ACAN: variants seen among roughly 807,000 people sequenced by gnomAD.
The protein encoded by ACAN is aggrecan, also known as aggrecan core protein.
In ACAN, 47 loss-of-function variants were observed where a neutral mutation model predicts 169.1. The observed-to-expected ratio is 0.28, with a 90% confidence interval of 0.22 to 0.35. The LOEUF (loss-of-function observed/expected upper bound fraction) is 0.35. Ranked by LOEUF, ACAN falls within the 10% of genes least tolerant of loss-of-function variation. The probability of loss-of-function intolerance (pLI) is 1.00; values close to 1 mark genes in which losing one functional copy is unlikely to be tolerated. For synonymous variants in ACAN, 1,115 were observed against 1,112.2 expected (o/e 1.00, Z -0.05); for missense variants, 2,716 against 2,759.9 (o/e 0.98, Z 0.36).
rs552835146 is a variant in ACAN, at chr15:88,813,205, G to C, written c.-8+9396G>C. ...TGTTGGCTGGACAAATAACTTCAGA[G>C]CTTTTCAAACCATGCTTCAGAGTCC... On this transcript the variant is annotated intron_variant, in intron 1 of 18. Transcript: ENST00000560601. Among the ~76,000 whole-genome samples the C allele has an allele frequency of 2.0e-5, 3 of 152,330 alleles. No homozygotes were observed. In the East Asian group the frequency reaches 5.8e-4, roughly 29 times the overall value.
rs1368370826 is a variant in ACAN at position 88,830,117 on chromosome 15, G to A, written c.-7-6083G>A. On this transcript the variant is annotated intron_variant, in intron 1 of 18. Coordinates refer to ENST00000560601, the MANE Select transcript of ACAN (RefSeq NM_001369268.1). Reference sequence around the variant, plus strand: ...TGAGTCTACACTGATGTGGACTCACGCTGGGCCAGGGGAGGTGACATGGAG... The same window carrying A: ...TGAGTCTACACTGATGTGGACTCACACTGGGCCAGGGGAGGTGACATGGAG... 2.0e-5 allele frequency among the ~76,000 whole-genome samples: 3 copies of A among 152,138 alleles called. 1 individual carries two copies. Among genetic ancestry groups the A allele is most frequent in the Non-Finnish European group, 2.9e-5 (2 of 68,030 alleles).
Position 88,854,801 on chromosome 15 carries a change from G to A in ACAN, c.2267-51G>A, listed in dbSNP as rs1016987742. 5 of 1,371,486 alleles carry A rather than the reference G, an allele frequency of 3.6e-6. No homozygotes were observed. The African/African-American group carries it at 7.4e-5, about 20-fold the overall frequency. The allele number at this position is 1,371,486 out of a possible 1,614,324, so 85.0% of individuals were successfully genotyped here. A position where few individuals can be genotyped will look rare whatever the true frequency, so the allele number is the denominator to read the frequency against. On this transcript the variant is annotated intron_variant, in intron 11 of 18. Transcript: ENST00000560601. ...TAGATTCTACATTTGAGCTTAAAGT[G>A]GGGCAGAGTTAATAAACCCACACTT... is the stretch of plus-strand genomic sequence containing the variant.
rs770670042 is a variant in ACAN, at chr15:88,845,747, G to T, written c.1294G>T (p.Val432Phe). ...PEIGATAFAE[V>F]ENETGEATRP... ...AATAGGGGCCACTGCCTTCGCTGAG[G>T]TTGAGAATGAGACTGGAGAGGCCAC... is the stretch of plus-strand genomic sequence containing the variant. The change falls in exon 7 of 19, where the codon GTT becomes TTT. Residue 432 changes from valine (V) to phenylalanine (F), a missense_variant. Val to Phe is a conservative substitution (Grantham distance 50). Coordinates refer to ENST00000560601, the MANE Select transcript of ACAN (RefSeq NM_001369268.1). 1.9e-6 allele frequency: 3 copies of T among 1,613,302 alleles called. No homozygotes were observed. The highest frequency in any genetic ancestry group is 2.2e-5 in the South Asian group (2 of 90,966).
rs751259125 is a variant in ACAN, at chr15:88,858,656, C to T, written c.6071C>T (p.Thr2024Ile). The T allele has an allele frequency of 5.6e-6, 9 of 1,613,822 alleles. No individual in the cohort carries two copies. The highest frequency in any genetic ancestry group is 7.6e-6 in the Non-Finnish European group (9 of 1,179,902). Reference protein sequence around the residue: ...VSGESSVAMGTSGEASGLPEV... With the variant: ...VSGESSVAMGISGEASGLPEV... Reference sequence around the variant, plus strand: ...GGAGAATCCTCTGTAGCCATGGGCACCAGTGGAGAGGCCTCAGGACTTCCA... The same window carrying T: ...GGAGAATCCTCTGTAGCCATGGGCATCAGTGGAGAGGCCTCAGGACTTCCA... The change falls in exon 12 of 19, where the codon ACC (threonine) becomes ATC (isoleucine). Residue 2024 changes from threonine (T) to isoleucine (I), a missense_variant. Around this residue, in one of 3 missense-constraint regions of ACAN, gnomAD observed 1,389 missense variants for 1,363.7 expected, o/e 1.02. Coordinates refer to ENST00000560601, the MANE Select transcript of ACAN (RefSeq NM_001369268.1). This position sits in a 1 kb window ranked among gnomAD's most constrained non-coding sequence, Gnocchi z 4.0.
chr15:88,830,773 G>A (rs1294670070), intron 1 of ACAN, among the ~76,000 whole-genome samples: 2 of 152,192 alleles, frequency 1.3e-5, no homozygotes, highest in African/African-American at 4.8e-5. Context: ...CGAAGGCCTA[G>A]TGCATTATTG....
rs1897065532 is a variant in ACAN, at chr15:88,857,003, G to A, written c.4418G>A (p.Gly1473Glu). 3 of 1,612,520 alleles carry A rather than the reference G, an allele frequency of 1.9e-6. 1 individual carries two copies. The highest frequency in any genetic ancestry group is 8.5e-7 in the Non-Finnish European group (1 of 1,179,236). The change falls in exon 12 of 19, where the codon GGA becomes GAA. Residue 1473 changes from glycine (G) to glutamate (E), a missense_variant. Gly to Glu is a moderately conservative substitution (Grantham distance 98). Transcript: ENST00000560601. Reference sequence around the variant, plus strand: ...GGGGACCTCAGTGGACTTCCTTCTGGAGGAGAAGTTCTAGAGATTTCTGTC... The same window carrying A: ...GGGGACCTCAGTGGACTTCCTTCTGAAGGAGAAGTTCTAGAGATTTCTGTC... ...AVGDLSGLPS[G>E]GEVLEISVSG...
In ACAN at chr15:88,857,875, G is replaced by A. The variant is rs1458046738; in HGVS notation, c.5290G>A (p.Gly1764Ser). 5 of 1,613,628 alleles carry A rather than the reference G, an allele frequency of 3.1e-6. No homozygotes were observed. The highest frequency in any genetic ancestry group is 1.3e-5 in the African/African-American group (1 of 74,906). Residue 1764 changes from glycine to serine, a missense_variant, in exon 12 of 19, where the codon GGT (glycine) becomes AGT (serine). Physicochemically the swap from Gly to Ser is moderately conservative, Grantham distance 56. Transcript: ENST00000560601. The part of the protein sequence containing the change: ...ELSGLSSGQP[G>S]ISGEASGVLY... ...TAGCGGGCTGTCCTCTGGACAACCA[G>A]GTATTAGTGGAGAAGCATCTGGAGT...
chr15:88,829,393 G>C (rs1896304126), intron 1 of ACAN, among the ~76,000 whole-genome samples: 1 of 152,140 alleles, frequency 6.6e-6, no homozygotes, highest in Non-Finnish European at 1.5e-5. Context: ...CAGCTTCCTG[G>C]CTTCCCGTTT....
intron 1 of ACAN, among the ~76,000 whole-genome samples, chr15:88,829,559 A>T (rs1421415702): frequency 2.0e-5 from 3 of 152,210 alleles, no homozygotes; most frequent in Non-Finnish European, 2.9e-5. Flanking sequence ...TACTGCGTTT[A>T]TGCACAGCTA....
At chr15:88,831,724 C>T (rs1380557390) in intron 1 of ACAN, among the ~76,000 whole-genome samples, 1 of 152,208 alleles carries the variant, frequency 6.6e-6, no homozygotes, top group African/African-American at 2.4e-5. Flanking sequence ...CAGCCTCCTC[C>T]TTGGGCCTCA....
rs574058883 is a variant in ACAN, at chr15:88,815,436, G to A, written c.-8+11627G>A. ...TAACTGGGTGAGGCAGCAGGCACCT[G>A]TAATCCCAGCTACTTGGGAGACTAA... On this transcript the variant is annotated intron_variant, in intron 1 of 18. Coordinates refer to ENST00000560601, the MANE Select transcript of ACAN (RefSeq NM_001369268.1). 1.1e-3 allele frequency among the ~76,000 whole-genome samples: 173 copies of A among 151,966 alleles called. No individual in the cohort carries two copies. The Middle Eastern group carries it at 0.014, about 12-fold the overall frequency.
In ACAN at chr15:88,849,165, C is replaced by A. The variant is rs968003812; in HGVS notation, c.1733-273C>A. ...GACGGAGGAGAAGTTGTTGTGGAAACAACTCAGCCCAGTTTTACGGGAATT... is the reference window on the plus strand; with the variant it reads ...GACGGAGGAGAAGTTGTTGTGGAAAAAACTCAGCCCAGTTTTACGGGAATT... On this transcript the variant is annotated intron_variant, in intron 9 of 18. Coordinates refer to ENST00000560601, the MANE Select transcript of ACAN (RefSeq NM_001369268.1). The surrounding 1 kb of genome is among the most constrained non-coding windows in gnomAD (Gnocchi z 5.1). Among the ~76,000 whole-genome samples the A allele has an allele frequency of 6.6e-6, 1 of 152,208 alleles. No individual in the cohort carries two copies. The highest frequency in any genetic ancestry group is 6.5e-5 in the Admixed American group (1 of 15,286).
intron 4 of ACAN, among the ~76,000 whole-genome samples, chr15:88,840,785 A>AT (rs1166450937): frequency 1.4e-3 from 129 of 90,616 alleles, no homozygotes; most frequent in Non-Finnish European, 2.5e-3. Context: ...AACTATAGCC[A>AT]TAAAAAAAAA....
In ACAN at chr15:88,868,413, C is replaced by T. The variant is rs920172088; in HGVS notation, c.7060+84C>T. ...CACCTTTCCCTCCTAACAACAGGCTCCAGGCCCTGGCTGGGGCCCCCGAGG... is the reference window on the plus strand; with the variant it reads ...CACCTTTCCCTCCTAACAACAGGCTTCAGGCCCTGGCTGGGGCCCCCGAGG... On this transcript the variant is annotated intron_variant, in intron 14 of 18. Coordinates refer to ENST00000560601, the MANE Select transcript of ACAN (RefSeq NM_001369268.1). This position sits in a 1 kb window ranked among gnomAD's most constrained non-coding sequence, Gnocchi z 5.2. 25 of 626,194 alleles carry T rather than the reference C, an allele frequency of 4.0e-5. No individual in the cohort carries two copies. The highest frequency in any genetic ancestry group is 5.2e-5 in the Non-Finnish European group (18 of 346,426). 38.8% of individuals were successfully genotyped at this position (626,194 alleles called of 1,614,324 possible).
intron 1 of ACAN, among the ~76,000 whole-genome samples, chr15:88,831,571 C>A (rs1896364336): frequency 6.6e-6 from 1 of 152,176 alleles, no homozygotes; most frequent in Non-Finnish European, 1.5e-5. Context: ...ACATTGGGTG[C>A]CAGGGAGACA....
intron 4 of ACAN, among the ~76,000 whole-genome samples, chr15:88,840,880 CAT>C (rs1396773132): frequency 6.6e-5 from 10 of 152,140 alleles, no homozygotes; most frequent in Non-Finnish European, 1.5e-4. Flanking sequence ...CGCAGTGGCT[CAT>C]GCCTGTAATC....
rs368875483 is a variant in ACAN at position 88,856,984 on chromosome 15, C to T, written c.4399C>T (p.Leu1467Phe). ...GACTTCTACCTCTGCGGTAGGGGAC[C>T]TCAGTGGACTTCCTTCTGGAGGAGA... ...LETSTSAVGD[L>F]SGLPSGGEVL... Residue 1467 changes from leucine (L) to phenylalanine (F), a missense_variant, in exon 12 of 19, where the codon CTC becomes TTC. Physicochemically the swap from Leu to Phe is conservative, Grantham distance 22 (BLOSUM62 0). Transcript: ENST00000560601. 11 of 1,610,898 alleles carry T rather than the reference C, an allele frequency of 6.8e-6. No homozygotes were observed. The South Asian group carries it at 1.1e-4, about 16-fold the overall frequency.
intron 1 of ACAN, among the ~76,000 whole-genome samples, chr15:88,810,351 T>TG (rs1452245466): frequency 1.3e-5 from 2 of 151,328 alleles, no homozygotes; most frequent in African/African-American, 2.4e-5. Flanking sequence ...GGGCTAATTT[T>TG]GGGGGGAAAA....
rs778922868 is a variant in ACAN, at chr15:88,854,845, C to G, written c.2267-7C>G. The stretch of plus-strand genomic sequence containing the variant: ...CACACTTCATCTTTCTTCCTTCTTT[C>G]CTACAGGGATCCTTCCTACTTGGCC... On this transcript the variant is annotated splice_polypyrimidine_tract_variant and splice_region_variant and intron_variant, in intron 11 of 18. Coordinates refer to ENST00000560601, the MANE Select transcript of ACAN (RefSeq NM_001369268.1). 7 of 1,467,982 alleles carry G rather than the reference C, an allele frequency of 4.8e-6. No homozygotes were observed. Among genetic ancestry groups the G allele is most frequent in the Non-Finnish European group, 6.3e-6 (7 of 1,108,986 alleles). The allele number at this position is 1,467,982 out of a possible 1,614,324, so 90.9% of individuals were successfully genotyped here.
Sources: allele counts gnomAD v4.1 joint callset (sites outside exome capture counted in the v4.1 genomes callset), GRCh38; gene constraint gnomAD v4.1.1; regional missense constraint gnomAD v4.1.1; non-coding constraint Gnocchi (gnomAD v3.1); transcripts MANE v1.5; gene names NCBI Gene and HGNC (gene_info 2026-07-23, HGNC 2026-07-21).